The following RRAS2 variants were observed in gnomAD, a reference collection of about 807,000 sequenced individuals.
RRAS2 encodes ras-related protein R-Ras2.
In RRAS2, 7 loss-of-function variants were observed where a neutral mutation model predicts 27.6. The observed-to-expected ratio is 0.25, with a 90% CI of 0.14 to 0.48. RRAS2 has a LOEUF of 0.48. Among genes scored for constraint, RRAS2 ranks in the 20% least tolerant of loss-of-function variants. RRAS2 has a pLI of 0.99. For synonymous variants in RRAS2, 86 were observed against 90.9 expected (o/e 0.95, Z 0.31); for missense variants, 178 against 256.2 (o/e 0.69, Z 2.08).
At chr11:14,299,009 G>A (rs1847628840) in intron 1 of RRAS2, among the ~76,000 whole-genome samples, 1 of 152,174 alleles carries the variant, frequency 6.6e-6, no homozygotes. Context: ...TTCCCTAGCT[G>A]TGGGACCTAA....
At chr11:14,284,630 T>C (rs1554944791) in intron 4 of RRAS2, among the ~76,000 whole-genome samples, 1 of 152,194 alleles carries the variant, frequency 6.6e-6, no homozygotes, top group Admixed American at 6.5e-5. Flanking sequence ...TTGTCTATTT[T>C]TCCTTGTAGT....
intron 1 of RRAS2, among the ~76,000 whole-genome samples, chr11:14,337,744 T>C (rs148680290): frequency 3.2e-3 from 488 of 152,274 alleles, no homozygotes; most frequent in Middle Eastern, 0.01. Flanking sequence ...TTGAAATATA[T>C]AGCCCTTGCA....
chr11:14,331,183 C>G (rs1554951823), intron 1 of RRAS2, among the ~76,000 whole-genome samples: 1 of 152,146 alleles, frequency 6.6e-6, no homozygotes, highest in African/African-American at 2.4e-5. Flanking sequence ...TATTCTTGGT[C>G]ACAAGTTTCT....
At chr11:14,280,524 G>A (rs907296775) in intron 5 of RRAS2, among the ~76,000 whole-genome samples, 9 of 151,670 alleles carry the variant, frequency 5.9e-5, no homozygotes, top group African/African-American at 2.2e-4. Flanking sequence ...TCAGGAGTTC[G>A]AGACCAGCCT....
At chr11:14,344,917 T>C (rs1591486495) in intron 1 of RRAS2, among the ~76,000 whole-genome samples, 1 of 151,680 alleles carries the variant, frequency 6.6e-6, no homozygotes, top group Non-Finnish European at 1.5e-5. Context: ...GGAACCATAA[T>C]AGATACAACT....
intron 1 of RRAS2, among the ~76,000 whole-genome samples, chr11:14,305,660 T>C (rs1847813026): frequency 2.0e-5 from 3 of 152,198 alleles, no homozygotes; most frequent in Admixed American, 1.3e-4. Context: ...GAGATATTCC[T>C]TGAATTCCCA....
In RRAS2 at chr11:14,358,101, T is replaced by C. The variant is rs1849120755; in HGVS notation, c.108+662A>G. 2 of 529,358 alleles carry C rather than the reference T, an allele frequency of 3.8e-6. No homozygotes were observed. Among genetic ancestry groups the C allele is most frequent in the African/African-American group, 2.1e-5 (1 of 48,528 alleles). 32.8% of individuals were successfully genotyped at this position (529,358 alleles called of 1,614,324 possible). A position where few individuals can be genotyped will look rare whatever the true frequency, so the allele number is the denominator to read the frequency against. ...GCGAGAAGCAGGACGGCATCAGGAA[T>C]TCCTAGGAAATGGTCTCACCCCATC... On this transcript the variant is annotated intron_variant, in intron 1 of 5. Transcript: ENST00000256196. This position sits in a 1 kb window ranked among gnomAD's most constrained non-coding sequence, Gnocchi z 5.1.
intron 1 of RRAS2, among the ~76,000 whole-genome samples, chr11:14,300,602 G>C (rs1445896744): frequency 6.6e-6 from 1 of 152,034 alleles, no homozygotes; most frequent in Admixed American, 6.6e-5. Context: ...AAAAAAAATT[G>C]ATCTGGGTAA....
At chr11:14,334,585 T>G (rs1591479957) in intron 1 of RRAS2, among the ~76,000 whole-genome samples, 1 of 151,698 alleles carries the variant, frequency 6.6e-6, no homozygotes. Context: ...GTCTCCTACA[T>G]CAAAGAAAAT....
At chr11:14,350,162 A>C (rs1554954582) in intron 1 of RRAS2, among the ~76,000 whole-genome samples, 1 of 152,158 alleles carries the variant, frequency 6.6e-6, no homozygotes, top group Non-Finnish European at 1.5e-5. Flanking sequence ...TAGTATACAC[A>C]CAGTAGTAGA....
At chr11:14,328,366 C>CAAAAAA (rs71041596) in intron 1 of RRAS2, among the ~76,000 whole-genome samples, 21 of 67,704 alleles carry the variant, frequency 3.1e-4, no homozygotes, top group African/African-American at 5.6e-4. Context: ...AACTCCAACT[C>CAAAAAA]AAAAAAAAAA....
At position 14,358,570 on chromosome 11, in the gene RRAS2, G is replaced by A. The variant is rs367952201; in HGVS notation, c.108+193C>T. On this transcript the variant is annotated intron_variant, in intron 1 of 5. Transcript: ENST00000256196. The surrounding 1 kb of genome is among the most constrained non-coding windows in gnomAD (Gnocchi z 5.1). ...GCCCTACTCCCGCGACGCCGCGCCC[G>A]GGAGGAGGCAGGAGCGCGACGCTGC... 2 of 986,334 alleles carry A rather than the reference G, an allele frequency of 2.0e-6. No homozygotes were observed. The highest frequency in any genetic ancestry group is 1.7e-5 in the African/African-American group (1 of 57,178). 61.1% of individuals were successfully genotyped at this position (986,334 alleles called of 1,614,324 possible). A position where few individuals can be genotyped will look rare whatever the true frequency, so the allele number is the denominator to read the frequency against.
chr11:14,315,914 G>T (rs1261645563), intron 1 of RRAS2, among the ~76,000 whole-genome samples: 5 of 152,052 alleles, frequency 3.3e-5, no homozygotes, highest in African/African-American at 4.8e-5. Flanking sequence ...CAAGATAAAG[G>T]GAGACCAGAT....
chr11:14,327,585 C>T lies in RRAS2; in HGVS notation c.108+31178G>A, dbSNP rs553734497. ...ATTGCCTGAGCATCTTTCTCTACCC[C>T]CCTTTCTCTTCACTTGATTTCATGT... On this transcript the variant is annotated intron_variant, in intron 1 of 5. Coordinates refer to ENST00000256196, the MANE Select transcript of RRAS2 (RefSeq NM_012250.6). 2.6e-5 allele frequency among the ~76,000 whole-genome samples: 4 copies of T among 152,284 alleles called. No individual in the cohort carries two copies. The East Asian group carries it at 5.8e-4, about 22-fold the overall frequency.
At chr11:14,355,116 G>T (rs1849044571) in intron 1 of RRAS2, among the ~76,000 whole-genome samples, 1 of 149,932 alleles carries the variant, frequency 6.7e-6, no homozygotes, top group Admixed American at 6.6e-5. Context: ...TGGGTTTAGA[G>T]AACCTAAGAA....
intron 1 of RRAS2, among the ~76,000 whole-genome samples, chr11:14,337,953 A>G (rs1848620605): frequency 6.6e-6 from 1 of 152,192 alleles, no homozygotes; most frequent in Admixed American, 6.5e-5. Context: ...ATCAGAAAGG[A>G]AAAAACATGG....
chr11:14,340,726 C>T (rs1412663577), intron 1 of RRAS2, among the ~76,000 whole-genome samples: 2 of 152,140 alleles, frequency 1.3e-5, no homozygotes, highest in Admixed American at 1.3e-4. Context: ...TGAGTTAATT[C>T]CTAGGTAATT....
At chr11:14,354,672 C>CTTTTT (rs35556947) in intron 1 of RRAS2, among the ~76,000 whole-genome samples, 16 of 110,434 alleles carry the variant, frequency 1.4e-4, no homozygotes, top group South Asian at 3.1e-4. Context: ...GTAACAATTT[C>CTTTTT]TTTTTTTTTT....
At position 14,320,198 on chromosome 11, in the gene RRAS2, C is replaced by T. The variant is rs146700134; in HGVS notation, c.109-24343G>A. 6.1e-3 allele frequency among the ~76,000 whole-genome samples: 929 copies of T among 152,174 alleles called. 8 individuals carry two copies. The highest frequency in any genetic ancestry group is 0.021 in the African/African-American group (888 of 41,514). ...AGTGAGTCTGCAAAGTTCTAATGCA[C>T]GGTGCTGATTTTATTCATTGAACAG... is the stretch of plus-strand genomic sequence containing the variant. On this transcript the variant is annotated intron_variant, in intron 1 of 5. Coordinates refer to ENST00000256196, the MANE Select transcript of RRAS2 (RefSeq NM_012250.6).
Sources: gnomAD v4.1 joint callset for allele counts (sites outside exome capture counted in the v4.1 genomes callset) on GRCh38, gnomAD v4.1.1 for gene constraint, Gnocchi (gnomAD v3.1) non-coding constraint, MANE v1.5 for transcripts, NCBI Gene and HGNC (gene_info 2026-07-23, HGNC 2026-07-21) for gene names.